Variants in SLC35F4 observed in about 807,000 individuals in gnomAD.
The protein encoded by SLC35F4 is solute carrier family 35 member F4.
In SLC35F4, 24 loss-of-function variants were observed where a neutral mutation model predicts 44.2. The observed-to-expected ratio is 0.54, with a 90% CI of 0.39 to 0.76. SLC35F4 has a LOEUF of 0.76. SLC35F4 is among the 30% of genes least tolerant of loss of function. The pLI is 0.00. For missense variants in SLC35F4, 562 were observed against 586.1 expected (o/e 0.96, Z 0.42); for synonymous variants, 238 against 223.6 (o/e 1.06, Z -0.57).
chr14:57,883,185 C>G (rs1888576686), intron 1 of SLC35F4, among the ~76,000 whole-genome samples: 1 of 152,138 alleles, frequency 6.6e-6, no homozygotes, highest in Non-Finnish European at 1.5e-5. Context: ...GCCAACCCCC[C>G]ATGTGACTAC....
intron 1 of SLC35F4, among the ~76,000 whole-genome samples, chr14:57,616,509 T>G (rs2071840593): frequency 6.6e-6 from 1 of 152,184 alleles, no homozygotes; most frequent in Non-Finnish European, 1.5e-5. Flanking sequence ...TGAAAAACAC[T>G]GAGAATTCCC....
chr14:57,621,760 A>C (rs58917285), intron 1 of SLC35F4, among the ~76,000 whole-genome samples: 9,353 of 150,774 alleles, frequency 0.062, 806 homozygotes, highest in African/African-American at 0.2. Flanking sequence ...GGCATGGGCA[A>C]GGACTTCATG....
intron 1 of SLC35F4, among the ~76,000 whole-genome samples, chr14:57,739,173 C>A (rs2076542775): frequency 6.6e-6 from 1 of 152,130 alleles, no homozygotes; most frequent in Admixed American, 6.5e-5. Context: ...GACAGAGAGT[C>A]CTGAGGGTAC....
At chr14:57,824,930 CT>C (rs2140920095) in intron 1 of SLC35F4, among the ~76,000 whole-genome samples, 1 of 152,150 alleles carries the variant, frequency 6.6e-6, no homozygotes, top group Admixed American at 6.6e-5. Context: ...AAAAAGATCC[CT>C]CTAGCTTCCG....
intron 1 of SLC35F4, among the ~76,000 whole-genome samples, chr14:57,708,878 C>T (rs185380576): frequency 3.3e-5 from 5 of 152,124 alleles, no homozygotes; most frequent in Admixed American, 2.6e-4. Context: ...GACAGGGGGC[C>T]CTTCCCTGCC....
chr14:57,819,554 C>T (rs948164612), intron 1 of SLC35F4, among the ~76,000 whole-genome samples: 1 of 151,826 alleles, frequency 6.6e-6, no homozygotes, highest in Non-Finnish European at 1.5e-5. Flanking sequence ...GCCTGTAATC[C>T]CAGCACTTTG....
intron 1 of SLC35F4, among the ~76,000 whole-genome samples, chr14:57,824,365 G>A (rs1595147875): frequency 1.3e-5 from 2 of 152,212 alleles, no homozygotes; most frequent in Non-Finnish European, 2.9e-5. Flanking sequence ...GCTTGGTCTA[G>A]TTGGAGGACA....
intron 1 of SLC35F4, among the ~76,000 whole-genome samples, chr14:57,803,590 T>TC (rs1880930005): frequency 7.2e-6 from 1 of 138,562 alleles, no homozygotes; most frequent in Non-Finnish European, 1.6e-5. Flanking sequence ...TTCTTTTTTT[T>TC]TTTTTTTTTT....
At chr14:57,589,604 C>A (rs1331972025) in intron 2 of SLC35F4, 91 bp from the exon 3 acceptor site, 3 of 1,268,534 alleles carry the variant, frequency 2.4e-6, no homozygotes, top group Non-Finnish European at 3.2e-6. Flanking sequence ...TGGATGAAAC[C>A]AAAGAGGCAG....
intron 1 of SLC35F4, among the ~76,000 whole-genome samples, chr14:57,717,991 AACCATC>A (rs2075987348): frequency 6.6e-6 from 1 of 152,186 alleles, no homozygotes; most frequent in Non-Finnish European, 1.5e-5. Flanking sequence ...TGTAGCCATT[AACCATC>A]CTCCCCTTCC....
At chr14:57,851,652 A>T (rs1397714717) in intron 1 of SLC35F4, among the ~76,000 whole-genome samples, 1 of 152,218 alleles carries the variant, frequency 6.6e-6, no homozygotes, top group Non-Finnish European at 1.5e-5. Context: ...AGTTTAATGC[A>T]CTAAAAGCCT....
At chr14:57,870,124 CTGTGTGTGTGTGTGTGTGTG>C (rs34282878), upstream of SLC35F4, among the ~76,000 whole-genome samples, 1 of 146,080 alleles carries the variant, frequency 6.8e-6, no homozygotes, top group Non-Finnish European at 1.5e-5. Flanking sequence ...TGTCTATGAT[CTGTGTGTGTGTGTGTGTGTG>C]TGTGTGTGTG....
At chr14:57,892,567 T>C (rs998412832) in intron 1 of SLC35F4, among the ~76,000 whole-genome samples, 1 of 152,206 alleles carries the variant, frequency 6.6e-6, no homozygotes. Flanking sequence ...GCAGATATTA[T>C]AGGAACAATT....
intron 1 of SLC35F4, among the ~76,000 whole-genome samples, chr14:57,904,191 A>G (rs1345519085): frequency 2.0e-5 from 3 of 152,222 alleles, no homozygotes; most frequent in African/African-American, 7.2e-5. Flanking sequence ...TCATTTCACC[A>G]TAAAACTGTC....
intron 3 of SLC35F4, among the ~76,000 whole-genome samples, chr14:57,583,475 C>T (rs1467254189): frequency 6.6e-6 from 1 of 152,188 alleles, no homozygotes; most frequent in Non-Finnish European, 1.5e-5. Flanking sequence ...TGTTCTTCAA[C>T]CAAGAGCTGG....
At chr14:57,895,680 G>A (rs970911782) in intron 1 of SLC35F4, among the ~76,000 whole-genome samples, 11 of 152,002 alleles carry the variant, frequency 7.2e-5, no homozygotes, top group East Asian at 1.9e-4. Context: ...TGCTATGATC[G>A]TAAGTTTCCT....
chr14:57,646,867 A>G (rs1040408358), intron 1 of SLC35F4, among the ~76,000 whole-genome samples: 1 of 152,066 alleles, frequency 6.6e-6, no homozygotes, highest in African/African-American at 2.4e-5. Flanking sequence ...TTCTGCCTTC[A>G]TTTCATTATG....
chr14:57,813,183 C>T (rs1458176022), intron 1 of SLC35F4, among the ~76,000 whole-genome samples: 1 of 152,190 alleles, frequency 6.6e-6, no homozygotes, highest in Non-Finnish European at 1.5e-5. Flanking sequence ...TGCAGTAGAA[C>T]CTTTCAGTAT....
At chr14:57,967,974 A>G (rs1044627334) in intron 1 of SLC35F4, among the ~76,000 whole-genome samples, 1 of 152,242 alleles carries the variant, frequency 6.6e-6, no homozygotes, top group African/African-American at 2.4e-5. Context: ...CATACATTTT[A>G]AATTCTTAGT....
Sources: gnomAD v4.1 joint callset for allele counts (sites outside exome capture counted in the v4.1 genomes callset) on GRCh38, gnomAD v4.1.1 for gene constraint, MANE v1.5 for transcripts, NCBI Gene and HGNC (gene_info 2026-07-23, HGNC 2026-07-21) for gene names.